RPRD2: variants seen among roughly 807,000 people sequenced by gnomAD.
The protein encoded by RPRD2 is regulation of nuclear pre-mRNA domain-containing protein 2.
RPRD2 carries 12 observed loss-of-function variants against 104.4 expected under a neutral mutation model. The observed-to-expected ratio is 0.11, with a 90% CI of 0.07 to 0.19. RPRD2 has a LOEUF of 0.19. Among genes scored for constraint, RPRD2 ranks in the 10% least tolerant of loss-of-function variants. RPRD2 has a pLI of 1.00. For synonymous variants in RPRD2, 714 were observed against 684.9 expected (o/e 1.04, Z -0.66); for missense variants, 1,543 against 1,790.1 (o/e 0.86, Z 2.49).
Position 150,472,347 on chromosome 1 carries a change from A to G in RPRD2, c.3399A>G (p.Thr1133=), listed in dbSNP as rs764154888. The G allele has an allele frequency of 3.1e-6, 5 of 1,613,994 alleles. No homozygotes were observed. Among genetic ancestry groups the G allele is most frequent in the Non-Finnish European group, 3.4e-6 (4 of 1,179,882 alleles). The part of the protein sequence containing the change: ...ASRVGWFDLS[T]SGSSFDNGPS... The stretch of plus-strand genomic sequence containing the variant: ...GGGTGGGTTGGTTTGATCTGAGCAC[A>G]TCAGGTAGCTCTTTTGACAATGGCC... Residue 1133 remains threonine (T), a synonymous_variant, in exon 11 of 11, where the codon ACA becomes ACG. Coordinates refer to ENST00000369068, the MANE Select transcript of RPRD2 (RefSeq NM_015203.5).
intron 1 of RPRD2, among the ~76,000 whole-genome samples, chr1:150,400,302 A>G (rs782014128): frequency 1.2e-4 from 19 of 152,276 alleles, no homozygotes; most frequent in Non-Finnish European, 2.5e-4. Flanking sequence ...AATCATGTCT[A>G]TACATAGAGA....
intron 1 of RPRD2, among the ~76,000 whole-genome samples, chr1:150,375,731 C>T (rs1660635292): frequency 6.6e-6 from 1 of 152,062 alleles, no homozygotes; most frequent in South Asian, 2.1e-4. Context: ...TATTGTTTTA[C>T]AGCAGTACTT....
intron 7 of RPRD2, among the ~76,000 whole-genome samples, chr1:150,452,157 AAAGAG>A (rs1186771821): frequency 1.4e-5 from 2 of 141,774 alleles, no homozygotes; most frequent in African/African-American, 5.4e-5. Flanking sequence ...AAAAAAAAAA[AAAGAG>A]AGAGAGAGAA....
chr1:150,372,431 A>C (rs1265646029), intron 1 of RPRD2, among the ~76,000 whole-genome samples: 1 of 151,944 alleles, frequency 6.6e-6, no homozygotes, highest in Non-Finnish European at 1.5e-5. Flanking sequence ...CAGAGGTTGC[A>C]GTGAGCCATG....
Position 150,473,556 on chromosome 1 carries a change from TAAAAAAAAAAA to T in RPRD2, c.*235_*245del, listed in dbSNP as rs61486244. ...TCTACCTTCCCCAAGTTGTTTGTAT[TAAAAAAAAAAA>T]AAAAAAAAAAAAGTAAAGAAACACA... On this transcript the variant is annotated 3_prime_UTR_variant, in exon 11 of 11. Transcript: ENST00000369068. The T allele has an allele frequency of 3.0e-5, 3 of 98,396 alleles. No individual in the cohort carries two copies. The highest frequency in any genetic ancestry group is 4.6e-5 in the African/African-American group (1 of 21,732). 6.1% of individuals were successfully genotyped at this position (98,396 alleles called of 1,614,324 possible). A position where few individuals can be genotyped will look rare whatever the true frequency, so the allele number is the denominator to read the frequency against.
chr1:150,419,292 T>C, intron 2 of RPRD2, among the ~76,000 whole-genome samples: 1 of 152,146 alleles, frequency 6.6e-6, no homozygotes, highest in Non-Finnish European at 1.5e-5. Context: ...AGCTAAATGC[T>C]TCCTCAGATT....
intron 1 of RPRD2, among the ~76,000 whole-genome samples, chr1:150,368,089 G>A (rs1659976000): frequency 6.6e-6 from 1 of 151,658 alleles, no homozygotes; most frequent in African/African-American, 2.4e-5. Context: ...TGTAAGTCCT[G>A]TACCATCTGC....
chr1:150,384,463 A>ATTC, intron 1 of RPRD2, among the ~76,000 whole-genome samples: 1 of 133,150 alleles, frequency 7.5e-6, no homozygotes, highest in Non-Finnish European at 1.5e-5. Flanking sequence ...TATTATTATT[A>ATTC]TTATTATTAT....
intron 7 of RPRD2, among the ~76,000 whole-genome samples, chr1:150,454,926 A>G (rs1667424927): frequency 6.7e-6 from 1 of 150,072 alleles, no homozygotes; most frequent in Non-Finnish European, 1.5e-5. Flanking sequence ...TCTCAAAAAA[A>G]TGAAAAATTC....
chr1:150,364,692 C>T lies in RPRD2; in HGVS notation c.-23C>T. 3 of 1,456,904 alleles carry T rather than the reference C, an allele frequency of 2.1e-6. No individual in the cohort carries two copies. The highest frequency in any genetic ancestry group is 1.2e-5 in the South Asian group (1 of 82,828). 90.2% of individuals were successfully genotyped at this position (1,456,904 alleles called of 1,614,324 possible). Reference sequence around the variant, plus strand: ...GCCGCCGCCGCCGCCAGAGGAGCAGCAGCGCTTGTGCAAACCGGGAAGATG... The same window carrying T: ...GCCGCCGCCGCCGCCAGAGGAGCAGTAGCGCTTGTGCAAACCGGGAAGATG... On this transcript the variant is annotated 5_prime_UTR_variant, in exon 1 of 11. Coordinates refer to ENST00000369068, the MANE Select transcript of RPRD2 (RefSeq NM_015203.5).
At chr1:150,421,974 A>G (rs1664784112) in intron 2 of RPRD2, among the ~76,000 whole-genome samples, 1 of 152,052 alleles carries the variant, frequency 6.6e-6, no homozygotes, top group East Asian at 1.9e-4. Flanking sequence ...ACAGAGCAAG[A>G]CGCTATCTCT....
intron 1 of RPRD2, among the ~76,000 whole-genome samples, chr1:150,379,610 C>T (rs1188154667): frequency 1.3e-5 from 2 of 152,132 alleles, no homozygotes; most frequent in Non-Finnish European, 2.9e-5. Context: ...CCATGTTGGT[C>T]AGGCTGGTCT....
chr1:150,377,327 G>A (rs587754080), intron 1 of RPRD2, among the ~76,000 whole-genome samples: 2 of 152,230 alleles, frequency 1.3e-5, no homozygotes, highest in East Asian at 1.9e-4. Context: ...TGGGCCGGGC[G>A]CGGTGGCTCA....
intron 10 of RPRD2, among the ~76,000 whole-genome samples, chr1:150,466,011 C>CAAAAA (rs71578500): frequency 1.4e-5 from 1 of 69,252 alleles, no homozygotes; most frequent in African/African-American, 5.2e-5. Flanking sequence ...AGACTCAGTC[C>CAAAAA]AAAAAAAAAA....
chr1:150,435,415 T>C (rs147316619), intron 2 of RPRD2, among the ~76,000 whole-genome samples: 2 of 152,296 alleles, frequency 1.3e-5, no homozygotes, highest in East Asian at 1.9e-4. Flanking sequence ...AAAGCCAAGA[T>C]AGGCTGAAAG....
intron 1 of RPRD2, among the ~76,000 whole-genome samples, chr1:150,383,462 G>A (rs1041471240): frequency 6.6e-6 from 1 of 151,820 alleles, no homozygotes; most frequent in Non-Finnish European, 1.5e-5. Context: ...TTACAGATGC[G>A]CGTGCCACCA....
At chr1:150,367,055 A>C (rs1482661676) in intron 1 of RPRD2, among the ~76,000 whole-genome samples, 2 of 152,190 alleles carry the variant, frequency 1.3e-5, no homozygotes, top group East Asian at 3.8e-4. Context: ...AGAGTGAAAA[A>C]ATGAATGCTC....
At chr1:150,421,758 C>G (rs114537627) in intron 2 of RPRD2, among the ~76,000 whole-genome samples, 12,456 of 152,022 alleles carry the variant, frequency 0.082, 675 homozygotes, top group Non-Finnish European at 0.12. Context: ...GGGAGGATCA[C>G]TTGAGGCCAG....
At chr1:150,393,088 T>C (rs1662212950) in intron 1 of RPRD2, among the ~76,000 whole-genome samples, 1 of 151,848 alleles carries the variant, frequency 6.6e-6, no homozygotes, top group African/African-American at 2.4e-5. Flanking sequence ...AATAGAAAAG[T>C]TAAAAGGCAG....
Sources: allele counts gnomAD v4.1 joint callset (sites outside exome capture counted in the v4.1 genomes callset), GRCh38; gene constraint gnomAD v4.1.1; transcripts MANE v1.5; gene names NCBI Gene and HGNC (gene_info 2026-07-23, HGNC 2026-07-21).